The following SBNO2 variants were observed in gnomAD, a reference collection of about 807,000 sequenced individuals.
SBNO2 encodes the protein strawberry notch homolog 2.
In SBNO2, 89 loss-of-function variants were observed where a neutral mutation model predicts 146.3. The observed-to-expected ratio is 0.61, with a 90% CI of 0.51 to 0.73. The LOEUF (loss-of-function observed/expected upper bound fraction) is 0.73. SBNO2 is among the 30% of genes least tolerant of loss of function. The pLI is 0.00. For missense variants in SBNO2, 2,092 were observed against 2,003.7 expected, an observed-to-expected ratio of 1.04 and a Z score of -0.84; for synonymous variants, 1,147 against 892.6, an observed-to-expected ratio of 1.29 and a Z score of -5.08.
In SBNO2 at chr19:1,108,612, C is replaced by T. The variant is rs1235124586; in HGVS notation, c.3709G>A (p.Gly1237Ser). The change falls in exon 32 of 32, where the codon GGC (glycine) becomes AGC (serine). Residue 1237 changes from glycine to serine, a missense_variant. Transcript: ENST00000361757. The stretch of plus-strand genomic sequence containing the variant: ...CGCGGGGCGGGCGGGGCGGGGCAGC[C>T]CAGGGCGGGCGCCTGCCTGCGCTTC... ...DVKRRQAPAL[G>S]CPAPPAPRPL... The T allele has an allele frequency of 9.9e-6, 14 of 1,420,368 alleles. No homozygotes were observed. The highest frequency in any genetic ancestry group is 1.5e-5 in the African/African-American group (1 of 65,638). 88.0% of individuals were successfully genotyped at this position (1,420,368 alleles called of 1,614,324 possible). A position where few individuals can be genotyped will look rare whatever the true frequency, so the allele number is the denominator to read the frequency against.
At position 1,123,968 on chromosome 19, in the gene SBNO2, T is replaced by C. The variant is rs1212738819; in HGVS notation, c.496A>G (p.Ser166Gly). The part of the protein sequence containing the change: ...AGFEDFLPSH[S>G]TPLLVSYQEQ... Reference sequence around the variant, plus strand: ...TGGTAGCTGACGAGAAGCGGGGTGCTGTGGGAGGGCAGAAAGTCCTCGAAG... The same window carrying C: ...TGGTAGCTGACGAGAAGCGGGGTGCCGTGGGAGGGCAGAAAGTCCTCGAAG... Residue 166 changes from serine to glycine, a missense_variant, in exon 6 of 32, where the codon AGC (serine) becomes GGC (glycine). Transcript: ENST00000361757. The C allele has an allele frequency of 3.1e-6, 5 of 1,611,784 alleles. No homozygotes were observed. Among genetic ancestry groups the C allele is most frequent in the Non-Finnish European group, 3.4e-6 (4 of 1,179,344 alleles).
chr19:1,136,681 A>G lies in SBNO2; in HGVS notation c.280-8916T>C, dbSNP rs2080087268. On this transcript the variant is annotated intron_variant, in intron 4 of 31. Coordinates refer to ENST00000361757, the MANE Select transcript of SBNO2 (RefSeq NM_014963.3). The surrounding 1 kb of genome is among the most constrained non-coding windows in gnomAD (Gnocchi z 4.2). ...CTCTCCCTCTTTTTTGCCCAATGCC[A>G]GTAACTGTGGGGGCTCCGTGGTGCC... Among the ~76,000 whole-genome samples the G allele has an allele frequency of 6.6e-6, 1 of 152,092 alleles. No individual in the cohort carries two copies. The highest frequency in any genetic ancestry group is 1.9e-4 in the East Asian group (1 of 5,198).
chr19:1,167,502 G>A (rs1444253528), intron 1 of SBNO2, among the ~76,000 whole-genome samples: 5 of 152,206 alleles, frequency 3.3e-5, no homozygotes, highest in Non-Finnish European at 5.9e-5. Flanking sequence ...CCACTTCCCT[G>A]CTTTCGGGGA....
At chr19:1,129,004 C>T (rs1361037619) in intron 4 of SBNO2, among the ~76,000 whole-genome samples, 7 of 149,322 alleles carry the variant, frequency 4.7e-5, no homozygotes, top group Admixed American at 2.7e-4. Flanking sequence ...TGGTAGCTCA[C>T]GCCTGTAACC....
At position 1,119,560 on chromosome 19, in the gene SBNO2, T is replaced by A. The variant is rs1158394570; in HGVS notation, c.1329A>T (p.Thr443=). ...MSRLGIWGEG[T]PFRNFEEFLH... ...GGAACTCCTCAAAGTTCCGGAAGGG[T>A]GTGCCCTCGCCCCAGATACCCAAGC... The change falls in exon 13 of 32, where the codon ACA becomes ACT. Residue 443 remains threonine (T), a synonymous_variant. Coordinates refer to ENST00000361757, the MANE Select transcript of SBNO2 (RefSeq NM_014963.3). 2.5e-6 allele frequency: 4 copies of A among 1,610,818 alleles called. No homozygotes were observed. The highest frequency in any genetic ancestry group is 8.5e-7 in the Non-Finnish European group (1 of 1,178,856).
chr19:1,156,107 T>C (rs1035965255), intron 1 of SBNO2, among the ~76,000 whole-genome samples: 3 of 151,990 alleles, frequency 2.0e-5, no homozygotes, highest in Non-Finnish European at 4.4e-5. Flanking sequence ...GGGTACACCA[T>C]AGCTGAGGGA....
chr19:1,134,241 G>A (rs961522441), intron 4 of SBNO2, among the ~76,000 whole-genome samples: 3 of 142,388 alleles, frequency 2.1e-5, no homozygotes, highest in Admixed American at 7.0e-5. Context: ...TACAGCTCAC[G>A]GGTGGACTCA....
chr19:1,112,972 A>G lies in SBNO2; in HGVS notation c.2248-23T>C. 1.3e-6 allele frequency: 2 copies of G among 1,543,850 alleles called. No individual in the cohort carries two copies. Among genetic ancestry groups the G allele is most frequent in the Non-Finnish European group, 1.7e-6 (2 of 1,144,582 alleles). On this transcript the variant is annotated intron_variant, in intron 19 of 31. Coordinates refer to ENST00000361757, the MANE Select transcript of SBNO2 (RefSeq NM_014963.3). The surrounding 1 kb of genome is among the most constrained non-coding windows in gnomAD (Gnocchi z 5.9). Reference sequence around the variant, plus strand: ...CATCTGCAGCCGAGACAGGGACAAAACCGGCCGTCAGTGTTGTGGCCTCGC... The same window carrying G: ...CATCTGCAGCCGAGACAGGGACAAAGCCGGCCGTCAGTGTTGTGGCCTCGC...
In SBNO2 at chr19:1,173,868, G is replaced by A. The variant is rs1163480595; in HGVS notation, c.-127+304C>T. ...CGGAAGAGCGGGAAGGAAAGGTTGG[G>A]AGGGTTGTCGTGGAAGGTAGGGTTA... On this transcript the variant is annotated intron_variant, in intron 1 of 31. Coordinates refer to ENST00000361757, the MANE Select transcript of SBNO2 (RefSeq NM_014963.3). This position sits in a 1 kb window ranked among gnomAD's most constrained non-coding sequence, Gnocchi z 4.7. 6.6e-6 allele frequency: 1 copy of A among 151,612 alleles called. No homozygotes were observed. The highest frequency in any genetic ancestry group is 2.4e-5 in the African/African-American group (1 of 41,216). 9.4% of individuals were successfully genotyped at this position (151,612 alleles called of 1,614,324 possible).
chr19:1,120,922 C>T (rs915409445), intron 11 of SBNO2, among the ~76,000 whole-genome samples: 1 of 150,906 alleles, frequency 6.6e-6, no homozygotes, highest in South Asian at 2.1e-4. Context: ...GACACAGTCT[C>T]GCTCTGTCGC....
intron 1 of SBNO2, chr19:1,155,269 T>C (rs953070121): frequency 6.6e-6 from 1 of 152,178 alleles, no homozygotes; most frequent in African/African-American, 2.4e-5. Context: ...CAGGCACTTG[T>C]GCAATCCCGT....
chr19:1,120,134 G>C (rs574599554), intron 11 of SBNO2, 111 bp from the exon 12 acceptor site: 1 of 831,792 alleles, frequency 1.2e-6, no homozygotes. Flanking sequence ...ACGCCTGTGC[G>C]GCTGAGAACT....
rs1485571596 is a variant in SBNO2, at chr19:1,154,385, T to C, written c.-109A>G. ...GCTTCTCGCTCCGTGGTGGCGGCGG[T>C]GGCGGCAGCATCATGATCTGCAGAG... is the stretch of plus-strand genomic sequence containing the variant. On this transcript the variant is annotated 5_prime_UTR_variant, in exon 2 of 32. Transcript: ENST00000361757. 6.1e-6 allele frequency: 3 copies of C among 491,334 alleles called. No homozygotes were observed. The highest frequency in any genetic ancestry group is 2.0e-4 in the South Asian group (2 of 9,832). 30.4% of individuals were successfully genotyped at this position (491,334 alleles called of 1,614,324 possible).
chr19:1,166,012 C>A (rs1568647868), intron 1 of SBNO2, among the ~76,000 whole-genome samples: 1 of 140,518 alleles, frequency 7.1e-6, no homozygotes, highest in African/African-American at 2.6e-5. Context: ...ATCCTAGATC[C>A]CAGACCTCAG....
In SBNO2 at chr19:1,108,346, C is replaced by T; in HGVS notation, c.3975G>A (p.Ala1325=). 7 of 1,306,338 alleles carry T rather than the reference C, an allele frequency of 5.4e-6. No individual in the cohort carries two copies. Among genetic ancestry groups the T allele is most frequent in the Non-Finnish European group, 5.9e-6 (6 of 1,023,182 alleles). 80.9% of individuals were successfully genotyped at this position (1,306,338 alleles called of 1,614,324 possible). A position where few individuals can be genotyped will look rare whatever the true frequency, so the allele number is the denominator to read the frequency against. The stretch of plus-strand genomic sequence containing the variant: ...CCAGCGCGCCCTCGGAGGGCGGCCC[C>T]GCGTGCAGCGAGCGCAGCATGTCCT... ...VLEDMLRSLH[A]GPPSEGALGE... Residue 1325 remains alanine (A), a synonymous_variant, in exon 32 of 32, where the codon GCG becomes GCA. Coordinates refer to ENST00000361757, the MANE Select transcript of SBNO2 (RefSeq NM_014963.3).
chr19:1,128,319 G>A (rs751194407), intron 4 of SBNO2: 5 of 374,584 alleles, frequency 1.3e-5, no homozygotes, highest in Non-Finnish European at 2.6e-5. Flanking sequence ...GGGCAGCCAC[G>A]CCCAGAGGTG....
chr19:1,152,879 G>A (rs985460609), intron 2 of SBNO2, among the ~76,000 whole-genome samples: 2 of 152,188 alleles, frequency 1.3e-5, no homozygotes, highest in Admixed American at 6.5e-5. Flanking sequence ...AGGGCCGGGC[G>A]CGGTGGCTCA....
rs896007601 is a variant in SBNO2, at chr19:1,112,757, T to C, written c.2379+61A>G. On this transcript the variant is annotated intron_variant, in intron 20 of 31. Coordinates refer to ENST00000361757, the MANE Select transcript of SBNO2 (RefSeq NM_014963.3). The surrounding 1 kb of genome is among the most constrained non-coding windows in gnomAD (Gnocchi z 5.9). ...GCGGGTCCACAGTCCCCGGGGACCC[T>C]TGGGCCCCTCTGTGCCTCTTGGGTC... 1.3e-6 allele frequency: 2 copies of C among 1,509,544 alleles called. No individual in the cohort carries two copies. Among genetic ancestry groups the C allele is most frequent in the Admixed American group, 2.0e-5 (1 of 48,890 alleles). 93.5% of individuals were successfully genotyped at this position (1,509,544 alleles called of 1,614,324 possible).
intron 1 of SBNO2, among the ~76,000 whole-genome samples, chr19:1,167,321 T>A (rs923687027): frequency 6.6e-6 from 1 of 152,254 alleles, no homozygotes; most frequent in Admixed American, 6.5e-5. Flanking sequence ...GCGCCCTCTC[T>A]GGGCCCAGCA....
Sources: allele counts gnomAD v4.1 joint callset (sites outside exome capture counted in the v4.1 genomes callset), GRCh38; gene constraint gnomAD v4.1.1; non-coding constraint Gnocchi (gnomAD v3.1); transcripts MANE v1.5; gene names NCBI Gene and HGNC (gene_info 2026-07-23, HGNC 2026-07-21).